The following ARHGAP42 variants were observed in gnomAD, a reference collection of about 807,000 sequenced individuals.
ARHGAP42 encodes the protein Rho GTPase activating protein 42.
A neutral mutation model predicts 125.0 loss-of-function variants in ARHGAP42; 63 were observed. The observed-to-expected ratio is 0.50, with a 90% CI of 0.41 to 0.62. The LOEUF (loss-of-function observed/expected upper bound fraction) is 0.62, where lower values mean the gene tolerates loss of function less well. ARHGAP42 is among the 20% of genes least tolerant of loss of function. The pLI is 0.00. For missense variants in ARHGAP42, 766 were observed against 1,024.2 expected, an observed-to-expected ratio of 0.75 and a Z score of 3.44; for synonymous variants, 339 against 351.0, an observed-to-expected ratio of 0.97 and a Z score of 0.38.
chr11:100,718,670 A>G (rs1477161688), intron 1 of ARHGAP42, among the ~76,000 whole-genome samples: 1 of 152,248 alleles, frequency 6.6e-6, no homozygotes, highest in Non-Finnish European at 1.5e-5. Flanking sequence ...AACTGGAATC[A>G]TCTACCATGT....
At chr11:100,838,148 C>CCTCAAT (rs1281780410) in intron 3 of ARHGAP42, among the ~76,000 whole-genome samples, 2 of 151,716 alleles carry the variant, frequency 1.3e-5, no homozygotes, top group East Asian at 3.9e-4. Context: ...GTAGAAATTT[C>CCTCAAT]CTCAATTTGG....
chr11:100,976,096 G>A lies in ARHGAP42; in HGVS notation c.1895G>A (p.Gly632Glu). ...YSSSPDSTPM[G>E]SIESLSSHSS... ...AGCAGCCCAGACAGCACACCTATGG[G>A]GAGCATTGAGTCACTCTCTTCTCAT... Residue 632 changes from glycine (G) to glutamate (E), a missense_variant, in exon 20 of 24, where the codon GGG becomes GAG. By Grantham distance (98) the Gly-to-Glu change is moderately conservative (BLOSUM62 -2). Coordinates refer to ENST00000298815, the MANE Select transcript of ARHGAP42 (RefSeq NM_152432.4). 6.5e-7 allele frequency: 1 copy of A among 1,547,272 alleles called. No individual in the cohort carries two copies. Among genetic ancestry groups the A allele is most frequent in the East Asian group, 2.4e-5 (1 of 40,900 alleles).
chr11:100,974,423 C>T, intron 18 of ARHGAP42, 36 bp from the exon 19 acceptor site: 1 of 1,540,426 alleles, frequency 6.5e-7, no homozygotes, highest in South Asian at 1.2e-5. Context: ...CAATATCACC[C>T]TTTTATTGAC....
chr11:100,941,607 A>AAC (rs151209547), intron 8 of ARHGAP42, among the ~76,000 whole-genome samples, 177 bp from the exon 9 acceptor site: 134,108 of 152,060 alleles, frequency 0.88, 59,238 homozygotes, highest in East Asian at 1. Flanking sequence ...GTCTGATTCT[A>AAC]AGACACTCTA....
intron 22 of ARHGAP42, among the ~76,000 whole-genome samples, chr11:100,985,388 A>G (rs1341518543): frequency 6.6e-6 from 1 of 152,124 alleles, no homozygotes; most frequent in African/African-American, 2.4e-5. Context: ...TTTTTAGGAA[A>G]ATGGTTCTGA....
chr11:100,924,770 A>G (rs77146540), intron 6 of ARHGAP42, among the ~76,000 whole-genome samples: 4,802 of 152,196 alleles, frequency 0.032, 113 homozygotes, highest in South Asian at 0.052. Context: ...TTCATGTATT[A>G]TTTATAAATA....
At chr11:100,936,426 C>T in intron 8 of ARHGAP42, 94 bp downstream of exon 8, 1 of 1,460,300 alleles carries the variant, frequency 6.8e-7, no homozygotes, top group Non-Finnish European at 9.2e-7. Context: ...AGTAGGAGGA[C>T]TGAAATTTCT....
intron 3 of ARHGAP42, among the ~76,000 whole-genome samples, chr11:100,814,398 A>G (rs1167168838): frequency 6.6e-6 from 1 of 151,976 alleles, no homozygotes; most frequent in Non-Finnish European, 1.5e-5. Flanking sequence ...AGAAAATAGC[A>G]GAACAAAGGG....
At chr11:100,876,118 A>T (rs1420175120) in intron 4 of ARHGAP42, among the ~76,000 whole-genome samples, 1 of 152,236 alleles carries the variant, frequency 6.6e-6, no homozygotes, top group Non-Finnish European at 1.5e-5. Context: ...CACAAACTTA[A>T]TAACATGTGT....
At chr11:100,961,324 G>A (rs1857948548) in intron 14 of ARHGAP42, among the ~76,000 whole-genome samples, 1 of 152,018 alleles carries the variant, frequency 6.6e-6, no homozygotes, top group African/African-American at 2.4e-5. Flanking sequence ...TTGTGTCTCA[G>A]CCTCCTCATT....
At chr11:100,893,158 G>GT (rs1555018919) in intron 4 of ARHGAP42, among the ~76,000 whole-genome samples, 25 of 147,090 alleles carry the variant, frequency 1.7e-4, no homozygotes, top group African/African-American at 6.3e-4. Flanking sequence ...AACATTTAGG[G>GT]GTGTGTGTGT....
At chr11:100,936,146 T>A (rs1218977492) in intron 7 of ARHGAP42, 57 bp from the exon 8 acceptor site, 1 of 1,537,190 alleles carries the variant, frequency 6.5e-7, no homozygotes, top group East Asian at 2.5e-5. Flanking sequence ...TTAGTCTGGA[T>A]GTTGCTGAAA....
chr11:100,987,390 C>T (rs1858709353), intron 22 of ARHGAP42, 123 bp from the exon 23 acceptor site: 1 of 756,550 alleles, frequency 1.3e-6, no homozygotes, highest in Non-Finnish European at 2.2e-6. Context: ...CTCATATATG[C>T]ACTTTATGTA....
At chr11:100,708,110 C>T (rs1418038510) in intron 1 of ARHGAP42, among the ~76,000 whole-genome samples, 2 of 152,180 alleles carry the variant, frequency 1.3e-5, no homozygotes, top group South Asian at 2.1e-4. Flanking sequence ...TGAGCCCTGC[C>T]TTCCTCATTT....
chr11:100,812,531 A>G (rs944566305), intron 3 of ARHGAP42, among the ~76,000 whole-genome samples: 14 of 152,370 alleles, frequency 9.2e-5, no homozygotes, highest in South Asian at 4.1e-4. Flanking sequence ...GATAGGTAGC[A>G]GAGGGGGCTG....
intron 3 of ARHGAP42, among the ~76,000 whole-genome samples, chr11:100,857,190 C>T (rs914828563): frequency 6.6e-6 from 1 of 151,566 alleles, no homozygotes; most frequent in African/African-American, 2.4e-5. Flanking sequence ...TTATTTATTT[C>T]TTCCTTCGGT....
Position 100,960,138 on chromosome 11 carries a change from G to A in ARHGAP42, c.1225+193G>A, listed in dbSNP as rs1857915992. Reference sequence around the variant, plus strand: ...TCAGTTTACTAAAAATCATGCTTTAGGCATACTTCTTTTTTAGATTTTTTT... The same window carrying A: ...TCAGTTTACTAAAAATCATGCTTTAAGCATACTTCTTTTTTAGATTTTTTT... On this transcript the variant is annotated intron_variant, in intron 13 of 23. Coordinates refer to ENST00000298815, the MANE Select transcript of ARHGAP42 (RefSeq NM_152432.4). 1.3e-5 allele frequency among the ~76,000 whole-genome samples: 2 copies of A among 151,890 alleles called. 1 individual carries two copies. The highest frequency in any genetic ancestry group is 4.1e-4 in the South Asian group (2 of 4,824).
intron 1 of ARHGAP42, among the ~76,000 whole-genome samples, chr11:100,763,440 G>A: frequency 6.6e-6 from 1 of 152,122 alleles, no homozygotes; most frequent in East Asian, 1.9e-4. Flanking sequence ...ATGTTATTCA[G>A]TGTGGCATTA....
At chr11:100,826,033 G>C (rs1477664818) in intron 3 of ARHGAP42, among the ~76,000 whole-genome samples, 1 of 152,008 alleles carries the variant, frequency 6.6e-6, no homozygotes, top group Non-Finnish European at 1.5e-5. Flanking sequence ...GTGGGTAGAC[G>C]AGTTATTATT....
Sources: gnomAD v4.1 joint callset for allele counts (sites outside exome capture counted in the v4.1 genomes callset) on GRCh38, gnomAD v4.1.1 for gene constraint, MANE v1.5 for transcripts, NCBI Gene and HGNC (gene_info 2026-07-23, HGNC 2026-07-21) for gene names.